The following LDAH variants were observed in gnomAD, a reference collection of about 807,000 sequenced individuals.
LDAH encodes the protein lipid droplet-associated hydrolase.
LDAH carries 26 observed loss-of-function variants against 29.6 expected under a neutral mutation model. The observed-to-expected ratio is 0.88, with a 90% CI of 0.64 to 1.22. The LOEUF (loss-of-function observed/expected upper bound fraction) is 1.22. Among genes scored for constraint, LDAH ranks in the 50% most tolerant of loss-of-function variants. LDAH has a pLI of 0.00. For missense variants in LDAH, 344 were observed against 387.3 expected, an observed-to-expected ratio of 0.89 and a Z score of 0.94; for synonymous variants, 117 against 133.0, an observed-to-expected ratio of 0.88 and a Z score of 0.83.
In LDAH at chr2:20,812,213, A is replaced by G. The variant is rs970357328; in HGVS notation, c.-2-10748T>C. Among the ~76,000 whole-genome samples, 165 of 152,330 alleles carry G rather than the reference A, an allele frequency of 1.1e-3. 1 individual carries two copies. Among genetic ancestry groups the G allele is most frequent in the Non-Finnish European group, 2.5e-4 (17 of 68,018 alleles). On this transcript the variant is annotated intron_variant, in intron 1 of 6. Coordinates refer to ENST00000237822, the MANE Select transcript of LDAH (RefSeq NM_021925.4). ...TCAAGAGAGAACAAAGTAGACATAC[A>G]GTTTCTCCAGCAGCTTCTTAAAGAA...
At position 20,797,279 on chromosome 2, in the gene LDAH, G is replaced by C. The variant is rs116616630; in HGVS notation, c.154+4031C>G. On this transcript the variant is annotated intron_variant, in intron 2 of 6. Transcript: ENST00000237822. ...GAAAGTACCATACTGAGAAGAGGCT[G>C]GACTAGGCATAACCAAACACTGAAA... 6.4e-3 allele frequency among the ~76,000 whole-genome samples: 974 copies of C among 152,246 alleles called. 10 individuals are homozygous for C. Among genetic ancestry groups the C allele is most frequent in the African/African-American group, 0.02 (846 of 41,538 alleles).
At chr2:20,765,517 G>C (rs1266800024) in intron 4 of LDAH, among the ~76,000 whole-genome samples, 1 of 152,118 alleles carries the variant, frequency 6.6e-6, no homozygotes, top group Non-Finnish European at 1.5e-5. Context: ...AGCATCTCTA[G>C]ACTTATGGTT....
intron 5 of LDAH, among the ~76,000 whole-genome samples, chr2:20,711,430 C>G (rs892754961): frequency 1.3e-5 from 2 of 151,326 alleles, no homozygotes; most frequent in African/African-American, 4.9e-5. Context: ...CCAAGATGGC[C>G]GAATAGGAAC....
chr2:20,725,848 C>T (rs1572485502), intron 5 of LDAH, among the ~76,000 whole-genome samples: 1 of 152,198 alleles, frequency 6.6e-6, no homozygotes, highest in East Asian at 1.9e-4. Flanking sequence ...TCTAGAGTTG[C>T]AGGAGCCATG....
chr2:20,796,905 C>G (rs1009785600), intron 2 of LDAH, among the ~76,000 whole-genome samples: 1 of 152,192 alleles, frequency 6.6e-6, no homozygotes, highest in Non-Finnish European at 1.5e-5. Context: ...GACTTCACTT[C>G]CCTCTGATAC....
At chr2:20,740,286 G>C (rs1452197004) in intron 4 of LDAH, 81 bp from the exon 5 acceptor site, 1 of 921,476 alleles carries the variant, frequency 1.1e-6, no homozygotes, top group Non-Finnish European at 1.7e-6. Context: ...ATATAGTAAT[G>C]ACAAATGAAT....
At chr2:20,801,030 C>A (rs924348269) in intron 2 of LDAH, among the ~76,000 whole-genome samples, 4 of 152,032 alleles carry the variant, frequency 2.6e-5, no homozygotes, top group Non-Finnish European at 4.4e-5. Context: ...TTAAGAAATG[C>A]TTTAAAAACC....
chr2:20,801,992 GTGTATATATA>G (rs1258059711), intron 1 of LDAH, among the ~76,000 whole-genome samples: 18 of 151,026 alleles, frequency 1.2e-4, no homozygotes, highest in East Asian at 5.8e-4. Flanking sequence ...ATGAATATGT[GTGTATATATA>G]TGTATATATA....
At chr2:20,802,711 C>T (rs1442058745) in intron 1 of LDAH, among the ~76,000 whole-genome samples, 2 of 152,196 alleles carry the variant, frequency 1.3e-5, no homozygotes, top group Non-Finnish European at 2.9e-5. Context: ...TTCCCTAGTG[C>T]CCCTACGCTT....
chr2:20,808,012 A>G (rs777897248), intron 1 of LDAH, among the ~76,000 whole-genome samples: 2 of 152,086 alleles, frequency 1.3e-5, no homozygotes, highest in Non-Finnish European at 2.9e-5. Flanking sequence ...AAAGGTCAAT[A>G]TATGAAAATC....
intron 4 of LDAH, among the ~76,000 whole-genome samples, chr2:20,760,942 C>T (rs959061315): frequency 1.8e-4 from 27 of 152,210 alleles, no homozygotes; most frequent in South Asian, 4.2e-4. Context: ...AAAGTCTGTC[C>T]GCCACACCCC....
chr2:20,786,688 A>G (rs1670580281), intron 3 of LDAH, among the ~76,000 whole-genome samples: 1 of 152,138 alleles, frequency 6.6e-6, no homozygotes, highest in African/African-American at 2.4e-5. Flanking sequence ...TAAAATGAGG[A>G]GGGAAACATC....
rs1671532956 is a variant in LDAH, at chr2:20,799,649, T to C, written c.154+1661A>G. On this transcript the variant is annotated intron_variant, in intron 2 of 6. Transcript: ENST00000237822. ...CATCTAACTTGCATGTTTGTACCTG[T>C]TTACCTCTCTCTTCATCCCTCCTCC... is the stretch of plus-strand genomic sequence containing the variant. Among the ~76,000 whole-genome samples the C allele has an allele frequency of 2.0e-5, 3 of 152,308 alleles. No individual in the cohort carries two copies. The South Asian group carries it at 6.2e-4, about 32-fold the overall frequency.
chr2:20,817,628 C>A (rs907046728), intron 1 of LDAH, among the ~76,000 whole-genome samples: 1 of 152,058 alleles, frequency 6.6e-6, no homozygotes, highest in African/African-American at 2.4e-5. Flanking sequence ...ACTAAACATA[C>A]ACTTACCATA....
chr2:20,740,123 C>A lies in LDAH; in HGVS notation c.551G>T (p.Cys184Phe), dbSNP rs777459533. 71 of 1,614,006 alleles carry A rather than the reference C, an allele frequency of 4.4e-5. No individual in the cohort carries two copies. The highest frequency in any genetic ancestry group is 5.7e-5 in the Non-Finnish European group (67 of 1,180,008). ...PNGRIATPLL[C>F]WFRYVLYVTG... The stretch of plus-strand genomic sequence containing the variant: ...AACATAGAGAACATATCGAAACCAG[C>A]ACAAAAGTGGAGTGGCAATTCTGCC... The change falls in exon 5 of 7, where the codon TGC becomes TTC. Residue 184 changes from cysteine (C) to phenylalanine (F), a missense_variant. Transcript: ENST00000237822.
chr2:20,767,030 G>A (rs916569996), intron 4 of LDAH, among the ~76,000 whole-genome samples: 11 of 152,210 alleles, frequency 7.2e-5, no homozygotes, highest in African/African-American at 2.4e-4. Context: ...CTGGAGGTGC[G>A]CACTGGGCAG....
chr2:20,810,160 G>A (rs1051148433), intron 1 of LDAH, among the ~76,000 whole-genome samples: 9 of 152,180 alleles, frequency 5.9e-5, no homozygotes, highest in African/African-American at 1.9e-4. Flanking sequence ...CTCAAGAACT[G>A]GGTGTGATCT....
At chr2:20,739,282 C>G (rs780489779) in intron 5 of LDAH, among the ~76,000 whole-genome samples, 1 of 152,020 alleles carries the variant, frequency 6.6e-6, no homozygotes, top group Non-Finnish European at 1.5e-5. Flanking sequence ...ACATTTAACA[C>G]TAGAATAACC....
chr2:20,701,515 C>T lies in LDAH; in HGVS notation c.786+55G>A, dbSNP rs1023845754. The stretch of plus-strand genomic sequence containing the variant: ...CTAACTAGTTCTAGTCCTTTGCCCT[C>T]GTATCTCTGCCCATCTACTTATTAT... On this transcript the variant is annotated intron_variant, in intron 6 of 6. Transcript: ENST00000237822. 1.5e-5 allele frequency: 22 copies of T among 1,426,106 alleles called. No individual in the cohort carries two copies. The African/African-American group carries it at 1.8e-4, about 12-fold the overall frequency. 88.3% of individuals were successfully genotyped at this position (1,426,106 alleles called of 1,614,324 possible). A position where few individuals can be genotyped will look rare whatever the true frequency, so the allele number is the denominator to read the frequency against.
Sources: allele counts gnomAD v4.1 joint callset (sites outside exome capture counted in the v4.1 genomes callset), GRCh38; gene constraint gnomAD v4.1.1; transcripts MANE v1.5; gene names NCBI Gene and HGNC (gene_info 2026-07-23, HGNC 2026-07-21).